The following AGBL1 variants were observed in gnomAD, a reference collection of about 807,000 sequenced individuals.
AGBL1 encodes the protein AGBL carboxypeptidase 1, also known as cytosolic carboxypeptidase 4.
AGBL1 carries 130 observed loss-of-function variants against 118.9 expected under a neutral mutation model. That is an observed-to-expected ratio of 1.09 (90% CI 0.95 to 1.26). The LOEUF is 1.26. AGBL1 is among the 50% of genes most tolerant of loss of function. The pLI, the probability that AGBL1 is intolerant of heterozygous loss-of-function variation, is 0.00. For synonymous variants in AGBL1, 555 were observed against 478.9 expected (o/e 1.16, Z -2.08); for missense variants, 1,584 against 1,298.1 (o/e 1.22, Z -3.38).
At chr15:86,086,895 G>A (rs891424536) in intron 1 of AGBL1, among the ~76,000 whole-genome samples, 1 of 152,164 alleles carries the variant, frequency 6.6e-6, no homozygotes, top group Non-Finnish European at 1.5e-5. Flanking sequence ...CCAATTTGGG[G>A]CTATAATGAA....
chr15:86,398,847 C>T (rs2141993353), intron 18 of AGBL1, among the ~76,000 whole-genome samples: 1 of 151,840 alleles, frequency 6.6e-6, no homozygotes, highest in Middle Eastern at 3.4e-3. Flanking sequence ...TATGTTAAAC[C>T]AGGTTAAAGG....
intron 22 of AGBL1, among the ~76,000 whole-genome samples, chr15:86,807,456 G>A (rs1009891156): frequency 6.6e-6 from 1 of 152,056 alleles, no homozygotes; most frequent in African/African-American, 2.4e-5. Context: ...CAGTGGTAGC[G>A]CAAGGAAGAC....
chr15:87,015,404 T>G (rs1302636133), intron 24 of AGBL1, among the ~76,000 whole-genome samples: 1 of 152,120 alleles, frequency 6.6e-6, no homozygotes, highest in African/African-American at 2.4e-5. Context: ...TATCTACCTA[T>G]TTTTCTATCT....
At chr15:86,477,809 T>C (rs1021270483) in intron 18 of AGBL1, among the ~76,000 whole-genome samples, 2 of 152,184 alleles carry the variant, frequency 1.3e-5, no homozygotes, top group African/African-American at 4.8e-5. Flanking sequence ...ATATCCCTGA[T>C]GAACATTGAT....
chr15:86,325,027 T>A lies in AGBL1; in HGVS notation c.2374+29619T>A, dbSNP rs2080164752. The stretch of plus-strand genomic sequence containing the variant: ...GGTAGACAGGGGACAGATCTTGGAG[T>A]GCATTATAGACCAGGCTAAGGAGGA... On this transcript the variant is annotated intron_variant, in intron 17 of 22. Coordinates refer to ENST00000614907, the MANE Select transcript of AGBL1 (RefSeq NM_001386094.1). Among the ~76,000 whole-genome samples the A allele has an allele frequency of 2.6e-5, 4 of 151,968 alleles. No individual in the cohort carries two copies. In the South Asian group the frequency reaches 8.3e-4, roughly 32 times the overall value.
intron 17 of AGBL1, among the ~76,000 whole-genome samples, chr15:86,382,272 G>A (rs950683452): frequency 6.6e-6 from 1 of 152,218 alleles, no homozygotes; most frequent in East Asian, 1.9e-4. Flanking sequence ...GATGGCAGAA[G>A]TAAACTTTGA....
intron 21 of AGBL1, among the ~76,000 whole-genome samples, chr15:86,581,155 G>A (rs766649320): frequency 6.6e-6 from 1 of 152,096 alleles, no homozygotes; most frequent in Admixed American, 6.5e-5. Context: ...AAGCCTGGGT[G>A]GTCTTGACTC....
At chr15:86,887,967 A>G (rs12050554) in intron 22 of AGBL1, among the ~76,000 whole-genome samples, 127,785 of 152,060 alleles carry the variant, frequency 0.84, 53,936 homozygotes, top group East Asian at 0.96. Context: ...ACCCTCTGGA[A>G]AAGAATGAGA....
intron 18 of AGBL1, among the ~76,000 whole-genome samples, chr15:86,482,281 C>T (rs1168598842): frequency 6.6e-6 from 1 of 152,086 alleles, no homozygotes; most frequent in East Asian, 1.9e-4. Context: ...ATTCTGAGAT[C>T]CCAGCTGAAG....
intron 22 of AGBL1, among the ~76,000 whole-genome samples, chr15:86,789,405 G>T (rs902006981): frequency 6.6e-6 from 1 of 152,188 alleles, no homozygotes; most frequent in Non-Finnish European, 1.5e-5. Context: ...TTGTACTTTG[G>T]CTTTGGTAGT....
chr15:86,160,234 A>G (rs1312139074), intron 5 of AGBL1, among the ~76,000 whole-genome samples: 1 of 151,872 alleles, frequency 6.6e-6, no homozygotes, highest in Non-Finnish European at 1.5e-5. Flanking sequence ...AATTCTGCTA[A>G]GAACCCTCAT....
chr15:86,158,851 A>G, intron 4 of AGBL1, 82 bp from the exon 5 acceptor site: 1 of 1,228,782 alleles, frequency 8.1e-7, no homozygotes, highest in Non-Finnish European at 1.2e-6. Context: ...CCCCTTAAAG[A>G]TTTAAAGGAG....
intron 18 of AGBL1, among the ~76,000 whole-genome samples, chr15:86,432,681 A>G (rs1434476170): frequency 6.6e-6 from 1 of 152,238 alleles, no homozygotes; most frequent in Non-Finnish European, 1.5e-5. Context: ...ATATCAGGTC[A>G]CCACCAAGGA....
At chr15:86,432,245 T>C (rs964979641) in intron 18 of AGBL1, among the ~76,000 whole-genome samples, 1 of 152,196 alleles carries the variant, frequency 6.6e-6, no homozygotes, top group African/African-American at 2.4e-5. Context: ...TTTATTCAGA[T>C]GTCTTTAGTT....
intron 24 of AGBL1, among the ~76,000 whole-genome samples, chr15:87,006,754 C>T (rs763724352): frequency 3.3e-5 from 5 of 152,112 alleles, no homozygotes; most frequent in African/African-American, 9.7e-5. Flanking sequence ...AGAAATCACC[C>T]GTCTTCTGCG....
At chr15:86,975,657 C>G (rs1464005441) in intron 23 of AGBL1, among the ~76,000 whole-genome samples, 1 of 152,200 alleles carries the variant, frequency 6.6e-6, no homozygotes, top group East Asian at 1.9e-4. Flanking sequence ...TCCCTCCTGA[C>G]ACAGTGGACT....
At chr15:86,851,495 T>C (rs1362796907) in intron 22 of AGBL1, among the ~76,000 whole-genome samples, 1 of 152,162 alleles carries the variant, frequency 6.6e-6, no homozygotes, top group Admixed American at 6.5e-5. Context: ...TGGTAAGATA[T>C]ATATCAAACC....
At chr15:86,776,627 T>G (rs999258064) in intron 22 of AGBL1, among the ~76,000 whole-genome samples, 35 of 149,918 alleles carry the variant, frequency 2.3e-4, no homozygotes, top group South Asian at 6.3e-4. Flanking sequence ...ATTTTTGTGG[T>G]TTTTTTTTAT....
chr15:86,347,310 G>A (rs557541963), intron 17 of AGBL1, among the ~76,000 whole-genome samples: 70 of 152,214 alleles, frequency 4.6e-4, no homozygotes, highest in Non-Finnish European at 7.8e-4. Flanking sequence ...GTCCCAGGTG[G>A]CAATTGTCTT....
Sources: gnomAD v4.1 joint callset for allele counts (sites outside exome capture counted in the v4.1 genomes callset) on GRCh38, gnomAD v4.1.1 for gene constraint, MANE v1.5 for transcripts, NCBI Gene and HGNC (gene_info 2026-07-23, HGNC 2026-07-21) for gene names.